Variants in TOMM34 observed in about 807,000 individuals in gnomAD.
TOMM34 encodes translocase of outer mitochondrial membrane 34, also known as mitochondrial import receptor subunit TOM34.
In TOMM34, 24 loss-of-function variants were observed where a neutral mutation model predicts 37.4. The ratio of observed to expected loss-of-function variants is 0.64; its 90% confidence interval spans 0.46 to 0.90. The LOEUF is 0.90. TOMM34 is among the 40% of genes least tolerant of loss of function. TOMM34 has a pLI of 0.00. For missense variants in TOMM34, 304 were observed against 375.6 expected (o/e 0.81, Z 1.58); for synonymous variants, 154 against 148.9 (o/e 1.03, Z -0.25).
At position 44,960,178 on chromosome 20, in the gene TOMM34, C is replaced by T. The variant is rs181732423; in HGVS notation, c.127+29G>A. ...GTTGCGGGAGTTGGAGGAGCAGGCC[C>T]GGAGGTGAGATGGGGGCCGGGGTCG... On this transcript the variant is annotated intron_variant, in intron 1 of 6. Transcript: ENST00000372813. 15 of 1,545,618 alleles carry T rather than the reference C, an allele frequency of 9.7e-6. No homozygotes were observed. In the Admixed American group the frequency reaches 1.6e-4, roughly 16 times the overall value.
Position 44,960,368 on chromosome 20 carries a change from C to G in TOMM34, c.-35G>C, listed in dbSNP as rs542165757. ...AGGCCGGCGAGTTGGGAGCTCCTTC[C>G]TTCCTCCCCCGTGTGGTGCGGCACA... On this transcript the variant is annotated 5_prime_UTR_variant, in exon 1 of 7. Coordinates refer to ENST00000372813, the MANE Select transcript of TOMM34 (RefSeq NM_006809.5). 2 of 1,526,254 alleles carry G rather than the reference C, an allele frequency of 1.3e-6. No individual in the cohort carries two copies. Among genetic ancestry groups the G allele is most frequent in the South Asian group, 2.5e-5 (2 of 80,460 alleles). The allele number at this position is 1,526,254 out of a possible 1,614,324, so 94.5% of individuals were successfully genotyped here. A position where few individuals can be genotyped will look rare whatever the true frequency, so the allele number is the denominator to read the frequency against.
intron 3 of TOMM34, among the ~76,000 whole-genome samples, chr20:44,954,296 C>T (rs1053552876): frequency 5.9e-5 from 9 of 152,104 alleles, no homozygotes; most frequent in African/African-American, 9.7e-5. Flanking sequence ...ACCTCTATGA[C>T]GGCAGGAAGA....
At chr20:44,959,164 C>T (rs568614841) in intron 1 of TOMM34, 1 of 152,188 alleles carries the variant, frequency 6.6e-6, no homozygotes, top group African/African-American at 2.4e-5. Context: ...TCTAAAATGT[C>T]TAGCACATGG....
At chr20:44,959,544 TC>T (rs2067107017) in intron 1 of TOMM34, among the ~76,000 whole-genome samples, 1 of 152,134 alleles carries the variant, frequency 6.6e-6, no homozygotes, top group Non-Finnish European at 1.5e-5. Context: ...CTAACTGACC[TC>T]ATGTCTTCCT....
rs941811627 is a variant in TOMM34, at chr20:44,960,148, C to A, written c.127+59G>T. 92 of 1,508,596 alleles carry A rather than the reference C, an allele frequency of 6.1e-5. 1 individual carries two copies. Among genetic ancestry groups the A allele is most frequent in the South Asian group, 2.2e-4 (17 of 78,696 alleles). The allele number at this position is 1,508,596 out of a possible 1,614,324, so 93.5% of individuals were successfully genotyped here. A position where few individuals can be genotyped will look rare whatever the true frequency, so the allele number is the denominator to read the frequency against. On this transcript the variant is annotated intron_variant, in intron 1 of 6. Transcript: ENST00000372813. ...TGCTGGCCGCCGCGCGAGGCCCGGG[C>A]GGTGGTTGCGGGAGTTGGAGGAGCA...
intron 4 of TOMM34, 129 bp from the exon 5 acceptor site, chr20:44,949,006 T>C (rs2067004375): frequency 9.3e-6 from 11 of 1,177,668 alleles, no homozygotes; most frequent in Admixed American, 2.8e-5. Flanking sequence ...TCCCCTGCTG[T>C]AAATCATCCT....
At chr20:44,957,362 C>G (rs1031643330) in intron 1 of TOMM34, among the ~76,000 whole-genome samples, 18 of 152,096 alleles carry the variant, frequency 1.2e-4, no homozygotes, top group African/African-American at 3.9e-4. Flanking sequence ...CTGGTAGAGA[C>G]AGGGTTTCAC....
intron 4 of TOMM34, among the ~76,000 whole-genome samples, chr20:44,950,348 AT>A (rs1318221112): frequency 6.6e-6 from 1 of 152,188 alleles, no homozygotes; most frequent in Non-Finnish European, 1.5e-5. Context: ...CGACTCCCTC[AT>A]GCACTTAAGT....
At chr20:44,943,413 G>A in intron 6 of TOMM34, 40 bp downstream of exon 6, 1 of 1,613,664 alleles carries the variant, frequency 6.2e-7, no homozygotes. Context: ...ATAAATCTCT[G>A]TAGCTATGTT....
chr20:44,947,845 T>A (rs965353536), intron 5 of TOMM34, among the ~76,000 whole-genome samples: 10 of 152,214 alleles, frequency 6.6e-5, no homozygotes, highest in Admixed American at 2.0e-4. Flanking sequence ...GAACAATGTG[T>A]CTATATTAGA....
At chr20:44,953,312 G>A (rs988580920) in intron 3 of TOMM34, among the ~76,000 whole-genome samples, 3 of 152,102 alleles carry the variant, frequency 2.0e-5, no homozygotes, top group African/African-American at 4.8e-5. Flanking sequence ...CAGAGCCACC[G>A]GTGACTTCAT....
rs929300626 is a variant in TOMM34, at chr20:44,942,932, C to T, written c.*177G>A. On this transcript the variant is annotated 3_prime_UTR_variant, in exon 7 of 7. Coordinates refer to ENST00000372813, the MANE Select transcript of TOMM34 (RefSeq NM_006809.5). ...ACAACCATGTCTGTGTTTGACTACACTGAGTTTAATTTGAACAAGCAAAGC... is the reference window on the plus strand; with the variant it reads ...ACAACCATGTCTGTGTTTGACTACATTGAGTTTAATTTGAACAAGCAAAGC... The T allele has an allele frequency of 1.6e-6, 1 of 626,370 alleles. No homozygotes were observed. Among genetic ancestry groups the T allele is most frequent in the Non-Finnish European group, 2.9e-6 (1 of 350,532 alleles). The allele number at this position is 626,370 out of a possible 1,614,324, so 38.8% of individuals were successfully genotyped here. A position where few individuals can be genotyped will look rare whatever the true frequency, so the allele number is the denominator to read the frequency against.
intron 1 of TOMM34, among the ~76,000 whole-genome samples, chr20:44,959,461 T>G (rs1293378974): frequency 6.6e-6 from 1 of 152,156 alleles, no homozygotes; most frequent in Non-Finnish European, 1.5e-5. Context: ...ATGCCAAGCT[T>G]CCAGTTTGGC....
Position 44,943,164 on chromosome 20 carries a change from G to A in TOMM34, c.875C>T (p.Pro292Leu), listed in dbSNP as rs780719407. 1 of 1,614,110 alleles carries A rather than the reference G, an allele frequency of 6.2e-7. No individual in the cohort carries two copies. Among genetic ancestry groups the A allele is most frequent in the South Asian group, 1.1e-5 (1 of 91,076 alleles). ...ADISNLLQIE[P>L]RNGPAQKLRQ... The stretch of plus-strand genomic sequence containing the variant: ...CAACTTCTGTGCAGGACCATTCCTA[G>A]GCTCAATCTGTAGGAGGTTGCTGAT... The change falls in exon 7 of 7, where the codon CCT (proline) becomes CTT (leucine). Residue 292 changes from proline (P) to leucine (L), a missense_variant. By Grantham distance (98) the Pro-to-Leu change is moderately conservative (BLOSUM62 -3). Coordinates refer to ENST00000372813, the MANE Select transcript of TOMM34 (RefSeq NM_006809.5).
rs756307089 is a variant in TOMM34 at position 44,951,961 on chromosome 20, C to A, written c.422G>T (p.Arg141Leu). ...ALMDSLGPEW[R>L]LKLPSIPLVP... ...CAAGGGGATTGAGGGCAGCTTCAGG[C>A]GCCACTCAGGCCCAAGCGAGTCCAT... is the stretch of plus-strand genomic sequence containing the variant. Residue 141 changes from arginine to leucine, a missense_variant, in exon 4 of 7, where the codon CGC becomes CTC. By Grantham distance (102) the Arg-to-Leu change is moderately radical. Coordinates refer to ENST00000372813, the MANE Select transcript of TOMM34 (RefSeq NM_006809.5). 2 of 1,613,996 alleles carry A rather than the reference C, an allele frequency of 1.2e-6. No homozygotes were observed. Among genetic ancestry groups the A allele is most frequent in the South Asian group, 1.1e-5 (1 of 91,064 alleles).
chr20:44,953,578 T>C (rs1486009799), intron 3 of TOMM34, among the ~76,000 whole-genome samples: 3 of 152,238 alleles, frequency 2.0e-5, no homozygotes, highest in African/African-American at 7.2e-5. Context: ...ATGTCTGGCC[T>C]GTATTTTCTT....
Position 44,960,316 on chromosome 20 carries a change from T to C in TOMM34, c.18A>G (p.Pro6=), listed in dbSNP as rs759268746. 25 of 1,580,092 alleles carry C rather than the reference T, an allele frequency of 1.6e-5. No individual in the cohort carries two copies. Among genetic ancestry groups the C allele is most frequent in the East Asian group, 1.2e-4 (5 of 42,086 alleles). The change falls in exon 1 of 7, where the codon CCA becomes CCG. Residue 6 remains proline (P), a synonymous_variant. Coordinates refer to ENST00000372813, the MANE Select transcript of TOMM34 (RefSeq NM_006809.5). MAPKF[P]DSVEELRAAG... The stretch of plus-strand genomic sequence containing the variant: ...CGGCGCGGAGCTCCTCCACAGAGTC[T>C]GGGAATTTGGGGGCCATCCCGTGGC...
chr20:44,959,224 C>T (rs4141469), intron 1 of TOMM34, among the ~76,000 whole-genome samples: 9,468 of 152,084 alleles, frequency 0.062, 470 homozygotes, highest in East Asian at 0.19. Flanking sequence ...AGGAAGGCGG[C>T]AAAGGGAAAT....
chr20:44,957,250 C>A (rs982454713), intron 1 of TOMM34, among the ~76,000 whole-genome samples: 14 of 152,006 alleles, frequency 9.2e-5, no homozygotes, highest in African/African-American at 3.4e-4. Flanking sequence ...TGCAGTGGAG[C>A]GATCTCCGCT....
Sources: gnomAD v4.1 joint callset for allele counts (sites outside exome capture counted in the v4.1 genomes callset) on GRCh38, gnomAD v4.1.1 for gene constraint, MANE v1.5 for transcripts, NCBI Gene and HGNC (gene_info 2026-07-23, HGNC 2026-07-21) for gene names.